The following ZNF736 variants were observed in gnomAD, a reference collection of about 807,000 sequenced individuals.
The protein encoded by ZNF736 is zinc finger protein 736, also known as KRAB-containing zinc-finger repressor protein.
A neutral mutation model predicts 11.7 loss-of-function variants in ZNF736; 6 were observed. The observed-to-expected ratio is 0.51, with a 90% CI of 0.28 to 1.01. The LOEUF (loss-of-function observed/expected upper bound fraction) is 1.01. Among genes scored for constraint, ZNF736 ranks in the 50% least tolerant of loss-of-function variants. The pLI, the probability that ZNF736 is intolerant of heterozygous loss-of-function variation, is 0.09. For synonymous variants in ZNF736, 139 were observed against 164.7 expected, an observed-to-expected ratio of 0.84 and a Z score of 1.19; for missense variants, 444 against 496.0, an observed-to-expected ratio of 0.90 and a Z score of 1.00.
In ZNF736 at chr7:64,348,111, CAG is replaced by C; in HGVS notation, c.252_253del (p.Glu84AspfsTer6). ...CCAGCTGGTTCTTTTCATTTTACTG[CAG>C]AGATATTGCCGGATCATGACATAAA... is the stretch of plus-strand genomic sequence containing the variant. On this transcript the variant is annotated frameshift_variant, in exon 4 of 4. Coordinates refer to ENST00000423484, the MANE Select transcript of ZNF736 (RefSeq NM_001170905.3). LOFTEE classifies it low-confidence loss of function (END_TRUNC). The C allele has an allele frequency of 6.6e-7, 1 of 1,522,994 alleles. No homozygotes were observed. The highest frequency in any genetic ancestry group is 8.8e-7 in the Non-Finnish European group (1 of 1,137,320). The allele number at this position is 1,522,994 out of a possible 1,614,324, so 94.3% of individuals were successfully genotyped here.
chr7:64,330,831 TA>T (rs1789154994), intron 1 of ZNF736, among the ~76,000 whole-genome samples: 1 of 151,054 alleles, frequency 6.6e-6, no homozygotes, highest in East Asian at 1.9e-4. Context: ...AGGGTATGTC[TA>T]GAACTGTCAC....
chr7:64,348,751 G>A lies in ZNF736; in HGVS notation c.888G>A (p.Trp296Ter). 6.2e-7 allele frequency: 1 copy of A among 1,600,136 alleles called. No homozygotes were observed. The highest frequency in any genetic ancestry group is 8.5e-7 in the Non-Finnish European group (1 of 1,173,212). ...AAGAATGTAACAAAGCCTATAGGTG[G>A]TTCTCAGACCTTGCTAAACATAAGA... ...KCEECNKAYR[W>*]FSDLAKHKII... Residue 296 changes from tryptophan (W) to a stop codon, truncating the protein, a stop_gained, in exon 4 of 4, where the codon TGG (tryptophan) becomes TGA (stop). Coordinates refer to ENST00000423484, the MANE Select transcript of ZNF736 (RefSeq NM_001170905.3). LOFTEE classifies it low-confidence loss of function (END_TRUNC).
Position 64,343,688 on chromosome 7 carries a change from G to A in ZNF736, c.227-4402G>A, listed in dbSNP as rs1288392547. On this transcript the variant is annotated intron_variant, in intron 3 of 3. Transcript: ENST00000423484. ...CACTATGTTGATTCAATATTTTTTG[G>A]TTAATTTTTTTTGTTAAATTTTGTT... Among the ~76,000 whole-genome samples, 3 of 151,958 alleles carry A rather than the reference G, an allele frequency of 2.0e-5. No individual in the cohort carries two copies. The East Asian group carries it at 5.8e-4, about 29-fold the overall frequency.
At chr7:64,319,858 C>A (rs1236886406) in intron 1 of ZNF736, among the ~76,000 whole-genome samples, 1 of 152,006 alleles carries the variant, frequency 6.6e-6, no homozygotes, top group Non-Finnish European at 1.5e-5. Flanking sequence ...AAATTTACAT[C>A]AAGAAGGAAT....
chr7:64,339,938 G>A (rs759762174), intron 3 of ZNF736, among the ~76,000 whole-genome samples: 3 of 152,116 alleles, frequency 2.0e-5, no homozygotes, highest in African/African-American at 4.8e-5. Flanking sequence ...ATCTTCTTGG[G>A]TATGCAGTGG....
chr7:64,328,840 C>CT (rs1199973347), intron 1 of ZNF736, among the ~76,000 whole-genome samples: 2 of 151,150 alleles, frequency 1.3e-5, no homozygotes, highest in Non-Finnish European at 3.0e-5. Flanking sequence ...AATATTAATA[C>CT]TTTTTTTTTA....
At chr7:64,333,930 T>C (rs564050250) in intron 1 of ZNF736, among the ~76,000 whole-genome samples, 1 of 152,336 alleles carries the variant, frequency 6.6e-6, no homozygotes, top group Admixed American at 6.5e-5. Flanking sequence ...AGCATGGTAC[T>C]GGTACCAAAA....
At chr7:64,330,501 C>T (rs1789149941) in intron 1 of ZNF736, among the ~76,000 whole-genome samples, 1 of 151,894 alleles carries the variant, frequency 6.6e-6, no homozygotes, top group Non-Finnish European at 1.5e-5. Flanking sequence ...CCAGAAATGT[C>T]ATCCAGGAGC....
chr7:64,333,852 A>C (rs1584271164), intron 1 of ZNF736, among the ~76,000 whole-genome samples: 1 of 152,332 alleles, frequency 6.6e-6, no homozygotes, highest in South Asian at 2.1e-4. Context: ...CCTAAGCAAA[A>C]AGAGCAAAGC....
At position 64,349,003 on chromosome 7, in the gene ZNF736, C is replaced by G; in HGVS notation, c.1140C>G (p.Cys380Trp). 3 of 1,593,764 alleles carry G rather than the reference C, an allele frequency of 1.9e-6. No homozygotes were observed. Among genetic ancestry groups the G allele is most frequent in the East Asian group, 4.6e-5 (2 of 43,622 alleles). ...KCEECSKTFK[C>W]FSDLTNHKRI... ...AAGAATGCAGCAAAACCTTTAAGTG[C>G]TTCTCAGACCTGACTAATCATAAGA... The change falls in exon 4 of 4, where the codon TGC becomes TGG. Residue 380 changes from cysteine to tryptophan, a missense_variant. Transcript: ENST00000423484.
At chr7:64,342,871 ATTATT>A (rs1019227405) in intron 3 of ZNF736, among the ~76,000 whole-genome samples, 18 of 151,308 alleles carry the variant, frequency 1.2e-4, no homozygotes, top group South Asian at 8.3e-4. Flanking sequence ...TTTATTTCTA[ATTATT>A]TTATTTTATT....
rs568213393 is a variant in ZNF736 at position 64,344,359 on chromosome 7, TTTG to T, written c.227-3728_227-3726del. On this transcript the variant is annotated intron_variant, in intron 3 of 3. Coordinates refer to ENST00000423484, the MANE Select transcript of ZNF736 (RefSeq NM_001170905.3). ...AATATTTTCAGTTATATAGTTCAGCTTTGTTAAGTATATTGACATTTTTAGCAA... is the reference window on the plus strand; with the variant it reads ...AATATTTTCAGTTATATAGTTCAGCTTTAAGTATATTGACATTTTTAGCAA... 2.8e-4 allele frequency among the ~76,000 whole-genome samples: 42 copies of T among 152,334 alleles called. No individual in the cohort carries two copies. In the South Asian group the frequency reaches 8.5e-3, roughly 31 times the overall value.
Position 64,354,856 on chromosome 7 carries a change from G to A in ZNF736, c.*5709G>A, listed in dbSNP as rs144684937. 6.6e-6 allele frequency: 1 copy of A among 152,128 alleles called. No homozygotes were observed. Among genetic ancestry groups the A allele is most frequent in the East Asian group, 1.9e-4 (1 of 5,198 alleles). The allele number at this position is 152,128 out of a possible 1,614,324, so 9.4% of individuals were successfully genotyped here. ...TATTAAATTTATTGGGCCAATTTAAGTAAACAGTTGAACGTTTCATAAGTC... is the reference window on the plus strand; with the variant it reads ...TATTAAATTTATTGGGCCAATTTAAATAAACAGTTGAACGTTTCATAAGTC... On this transcript the variant is annotated 3_prime_UTR_variant, in exon 4 of 4. Transcript: ENST00000423484.
rs1789444935 is a variant in ZNF736, at chr7:64,348,656, G to T, written c.793G>T (p.Ala265Ser). Residue 265 changes from alanine to serine, a missense_variant, in exon 4 of 4, where the codon GCC becomes TCC. Ala to Ser is a moderately conservative substitution (Grantham distance 99). Transcript: ENST00000423484. ...CTACAAATGTGAAGAATGTGGCAAA[G>T]CCTTTAAGTGCTTCTCAGACCTTAC... is the stretch of plus-strand genomic sequence containing the variant. Reference protein sequence around the residue: ...RPYKCEECGKAFKCFSDLTNH... With the variant: ...RPYKCEECGKSFKCFSDLTNH... 1.2e-6 allele frequency: 2 copies of T among 1,607,480 alleles called. No homozygotes were observed. Among genetic ancestry groups the T allele is most frequent in the Non-Finnish European group, 1.7e-6 (2 of 1,176,910 alleles).
At chr7:64,327,701 T>G (rs1314490848) in intron 1 of ZNF736, among the ~76,000 whole-genome samples, 2 of 152,194 alleles carry the variant, frequency 1.3e-5, no homozygotes, top group Non-Finnish European at 2.9e-5. Flanking sequence ...TGTATGTGTG[T>G]CTATTACAGG....
chr7:64,348,775 G>A lies in ZNF736; in HGVS notation c.912G>A (p.Lys304=). 2 of 1,590,002 alleles carry A rather than the reference G, an allele frequency of 1.3e-6. No individual in the cohort carries two copies. Among genetic ancestry groups the A allele is most frequent in the Non-Finnish European group, 1.7e-6 (2 of 1,168,034 alleles). ...YRWFSDLAKH[K]IIHTGDKPYT... ...GGTTCTCAGACCTTGCTAAACATAAGATAATTCATACTGGAGACAAACCCT... is the reference window on the plus strand; with the variant it reads ...GGTTCTCAGACCTTGCTAAACATAAAATAATTCATACTGGAGACAAACCCT... The change falls in exon 4 of 4, where the codon AAG becomes AAA. Residue 304 remains lysine (K), a synonymous_variant. Coordinates refer to ENST00000423484, the MANE Select transcript of ZNF736 (RefSeq NM_001170905.3).
intron 3 of ZNF736, among the ~76,000 whole-genome samples, chr7:64,338,733 A>T (rs549972224): frequency 6.7e-6 from 1 of 150,352 alleles, no homozygotes; most frequent in Non-Finnish European, 1.5e-5. Context: ...TTTTTTGTGC[A>T]GTCAGTTTCC....
rs540369729 is a variant in ZNF736 at position 64,315,371 on chromosome 7, GTT to G, written c.3+1229_3+1230del. On this transcript the variant is annotated intron_variant, in intron 1 of 3. Transcript: ENST00000423484. Reference sequence around the variant, plus strand: ...AAGGAGGGTCTTGGAACAAAAGGTTGTTTTTTTTTTTTAAGAGGTATGAGGAA... The same window carrying G: ...AAGGAGGGTCTTGGAACAAAAGGTTGTTTTTTTTTTAAGAGGTATGAGGAA... 2.5e-3 allele frequency among the ~76,000 whole-genome samples: 360 copies of G among 143,562 alleles called. 2 individuals are homozygous for G. Among genetic ancestry groups the G allele is most frequent in the African/African-American group, 8.8e-3 (348 of 39,326 alleles). 94.2% of individuals were successfully genotyped at this position (143,562 alleles called of 152,430 possible). A position where few individuals can be genotyped will look rare whatever the true frequency, so the allele number is the denominator to read the frequency against.
intron 3 of ZNF736, among the ~76,000 whole-genome samples, chr7:64,337,750 T>TGG (rs528238796): frequency 0.12 from 10,294 of 84,386 alleles, 710 homozygotes; most frequent in East Asian, 0.38. Context: ...TGTTTTGTTT[T>TGG]TTTTGGTTTT....
Sources: gnomAD v4.1 joint callset for allele counts (sites outside exome capture counted in the v4.1 genomes callset) on GRCh38, gnomAD v4.1.1 for gene constraint, MANE v1.5 for transcripts, NCBI Gene and HGNC (gene_info 2026-07-23, HGNC 2026-07-21) for gene names.